CACNB2: variants seen among roughly 807,000 people sequenced by gnomAD.
CACNB2 encodes the protein voltage-dependent L-type calcium channel subunit beta-2.
Under a neutral mutation model 73.3 loss-of-function variants are expected in CACNB2, and 42 were observed. The ratio of observed to expected loss-of-function variants is 0.57; its 90% CI spans 0.45 to 0.74. The LOEUF (loss-of-function observed/expected upper bound fraction) is 0.74. Ranked by LOEUF, CACNB2 falls within the 30% of genes least tolerant of loss-of-function variation. CACNB2 has a pLI of 0.00. For missense variants in CACNB2, 940 were observed against 853.0 expected, an observed-to-expected ratio of 1.10 and a Z score of -1.27; for synonymous variants, 348 against 310.3, an observed-to-expected ratio of 1.12 and a Z score of -1.28.
chr10:18,536,250 T>C, intron 12 of CACNB2, 54 bp downstream of exon 12: 1 of 553,556 alleles, frequency 1.8e-6, no homozygotes, highest in Non-Finnish European at 2.9e-6. Context: ...GACCTTTTTT[T>C]TTTTTTTTTT....
At chr10:18,207,761 C>G (rs978856476) in intron 2 of CACNB2, among the ~76,000 whole-genome samples, 2 of 152,142 alleles carry the variant, frequency 1.3e-5, no homozygotes, top group Non-Finnish European at 2.9e-5. Flanking sequence ...CATAGCAAAA[C>G]TTTAGCTTCA....
intron 1 of CACNB2, among the ~76,000 whole-genome samples, chr10:18,148,125 C>T (rs2031175889): frequency 6.6e-6 from 1 of 151,406 alleles, no homozygotes; most frequent in South Asian, 2.1e-4. Flanking sequence ...AAGAGAAATT[C>T]CTGTGGAAAT....
chr10:18,415,574 C>G (rs532876159), intron 3 of CACNB2, among the ~76,000 whole-genome samples: 159 of 152,194 alleles, frequency 1.0e-3, no homozygotes, highest in African/African-American at 3.7e-3. Flanking sequence ...CAGAGAAGGG[C>G]ACTTTAAATT....
At chr10:18,330,091 T>G (rs919545049) in intron 2 of CACNB2, among the ~76,000 whole-genome samples, 3 of 152,172 alleles carry the variant, frequency 2.0e-5, no homozygotes, top group Admixed American at 2.0e-4. Flanking sequence ...TCCACCCTTC[T>G]CGGCCTCCCA....
intron 2 of CACNB2, among the ~76,000 whole-genome samples, chr10:18,220,215 A>AGAGAGAGAGAGAGGG (rs2035704103): frequency 1.9e-5 from 1 of 53,768 alleles, no homozygotes; most frequent in East Asian, 4.8e-4. Flanking sequence ...ATATATATAT[A>AGAGAGAGAGAGAGGG]TATATATATA....
chr10:18,212,294 T>C (rs1288129684), intron 2 of CACNB2, among the ~76,000 whole-genome samples: 2 of 152,230 alleles, frequency 1.3e-5, no homozygotes, highest in African/African-American at 2.4e-5. Flanking sequence ...TATTTTACTT[T>C]CACCATTTTG....
At chr10:18,322,326 A>C (rs892913911) in intron 2 of CACNB2, among the ~76,000 whole-genome samples, 17 of 152,232 alleles carry the variant, frequency 1.1e-4, no homozygotes, top group Non-Finnish European at 2.1e-4. Flanking sequence ...AATGCAAATC[A>C]ACTTTCATGG....
chr10:18,402,069 A>G, intron 3 of CACNB2, 26 bp downstream of exon 3: 1 of 1,611,814 alleles, frequency 6.2e-7, no homozygotes, highest in Non-Finnish European at 8.5e-7. Flanking sequence ...CCCTGCCAAG[A>G]TCTTTGCAAG....
In CACNB2 at chr10:18,540,816, C is replaced by G. The variant is rs2054033072; in HGVS notation, c.*1092C>G. 6.6e-6 allele frequency: 1 copy of G among 152,610 alleles called. No individual in the cohort carries two copies. Among genetic ancestry groups the G allele is most frequent in the African/African-American group, 2.4e-5 (1 of 41,442 alleles). The allele number at this position is 152,610 out of a possible 1,614,324, so 9.5% of individuals were successfully genotyped here. ...TAACGAAGAAACTAGAGACTGATATCGAGCATTCTGCCCACCTCGCTCTGT... is the reference window on the plus strand; with the variant it reads ...TAACGAAGAAACTAGAGACTGATATGGAGCATTCTGCCCACCTCGCTCTGT... On this transcript the variant is annotated 3_prime_UTR_variant, in exon 14 of 14. Transcript: ENST00000324631.
chr10:18,538,453 T>C (rs2053824164), intron 13 of CACNB2, 88 bp downstream of exon 13: 1 of 1,156,704 alleles, frequency 8.6e-7, no homozygotes, highest in Non-Finnish European at 1.3e-6. Context: ...CCAAGCCCAG[T>C]AGCCTGCTTG....
chr10:18,476,356 G>C (rs2048439054), intron 3 of CACNB2, among the ~76,000 whole-genome samples: 1 of 152,198 alleles, frequency 6.6e-6, no homozygotes, highest in African/African-American at 2.4e-5. Context: ...AACAAAAGCA[G>C]AGATTTATTG....
intron 3 of CACNB2, among the ~76,000 whole-genome samples, chr10:18,484,950 T>C (rs1215246756): frequency 1.3e-5 from 2 of 151,800 alleles, no homozygotes; most frequent in African/African-American, 4.8e-5. Flanking sequence ...AGTCCAGGAG[T>C]TGGAGACCAG....
At chr10:18,460,266 G>A (rs1004852077) in intron 3 of CACNB2, among the ~76,000 whole-genome samples, 1 of 151,440 alleles carries the variant, frequency 6.6e-6, no homozygotes, top group East Asian at 1.9e-4. Flanking sequence ...AAAGAACCAG[G>A]GATTATCTTC....
chr10:18,376,389 T>G (rs2042799944), intron 2 of CACNB2, among the ~76,000 whole-genome samples: 1 of 152,102 alleles, frequency 6.6e-6, no homozygotes, highest in African/African-American at 2.4e-5. Flanking sequence ...GACAAGGGGA[T>G]GGTTAATGGG....
intron 2 of CACNB2, among the ~76,000 whole-genome samples, chr10:18,326,180 AAAT>A (rs201230453): frequency 6.8e-6 from 1 of 146,306 alleles, no homozygotes; most frequent in Admixed American, 6.8e-5. Context: ...AAACAGAAAA[AAAT>A]AAAGCAGTTT....
rs2031498191 is a variant in CACNB2 at position 18,150,925 on chromosome 10, T to A, written c.163T>A (p.Ser55Thr). The A allele has an allele frequency of 6.6e-7, 1 of 1,521,006 alleles. No individual in the cohort carries two copies. The highest frequency in any genetic ancestry group is 8.9e-7 in the Non-Finnish European group (1 of 1,129,020). The allele number at this position is 1,521,006 out of a possible 1,614,324, so 94.2% of individuals were successfully genotyped here. ...CAGAAGGAAAAACAGATTTAAAGGATCTGATGGAAGCACGTCATCTGATAC... is the reference window on the plus strand; with the variant it reads ...CAGAAGGAAAAACAGATTTAAAGGAACTGATGGAAGCACGTCATCTGATAC... Reference protein sequence around the residue: ...GARRKNRFKGSDGSTSSDTTS... With the variant: ...GARRKNRFKGTDGSTSSDTTS... Residue 55 changes from serine to threonine, a missense_variant, in exon 2 of 14, where the codon TCT becomes ACT. Physicochemically the swap from Ser to Thr is moderately conservative, Grantham distance 58. Coordinates refer to ENST00000324631, the MANE Select transcript of CACNB2 (RefSeq NM_201596.3).
chr10:18,453,831 C>T (rs1375446685), intron 3 of CACNB2, among the ~76,000 whole-genome samples: 1 of 152,118 alleles, frequency 6.6e-6, no homozygotes, highest in Non-Finnish European at 1.5e-5. Context: ...AGGTTTCACC[C>T]TGTTGGCCAG....
intron 5 of CACNB2, 129 bp downstream of exon 5, chr10:18,501,077 C>G (rs1355458421): frequency 3.7e-5 from 34 of 923,624 alleles, no homozygotes; most frequent in Non-Finnish European, 5.7e-5. Flanking sequence ...TTATTGATAG[C>G]ATCACAAATC....
chr10:18,381,756 G>A (rs61839227), intron 2 of CACNB2, among the ~76,000 whole-genome samples: 6,633 of 151,870 alleles, frequency 0.044, 212 homozygotes, highest in Non-Finnish European at 0.068. Flanking sequence ...AATGTGAAGG[G>A]ATAGGATTGT....
Sources: gnomAD v4.1 joint callset for allele counts (sites outside exome capture counted in the v4.1 genomes callset) on GRCh38, gnomAD v4.1.1 for gene constraint, MANE v1.5 for transcripts, NCBI Gene and HGNC (gene_info 2026-07-23, HGNC 2026-07-21) for gene names.